TTLL6: variants seen among roughly 807,000 people sequenced by gnomAD.
The protein encoded by TTLL6 is tubulin polyglutamylase TTLL6.
Under a neutral mutation model 96.4 loss-of-function variants are expected in TTLL6, and 75 were observed. That is an observed-to-expected ratio of 0.78 (90% confidence interval 0.65 to 0.94). TTLL6 has a LOEUF of 0.94. Ranked by LOEUF, TTLL6 falls within the 40% of genes least tolerant of loss-of-function variation. The pLI is 0.00. For synonymous variants in TTLL6, 411 were observed against 419.4 expected (o/e 0.98, Z 0.24); for missense variants, 1,030 against 1,093.0 (o/e 0.94, Z 0.81).
At chr17:48,804,617 G>C (rs1435261566) in intron 2 of TTLL6, 155 bp downstream of exon 2, 1 of 685,424 alleles carries the variant, frequency 1.5e-6, no homozygotes, top group Non-Finnish European at 2.6e-6. Flanking sequence ...ATCGAAAGTA[G>C]ATTCTTTTTA....
In TTLL6 at chr17:48,789,999, CT is replaced by C; in HGVS notation, c.1331del (p.Lys444ArgfsTer23). 1 of 1,614,186 alleles carries C rather than the reference CT, an allele frequency of 6.2e-7. No individual in the cohort carries two copies. The highest frequency in any genetic ancestry group is 8.5e-7 in the Non-Finnish European group (1 of 1,180,034). ...GTCTCTCCTCCTCCAAGACTTTCTT[CT>C]TGTCACAGCTTTCCAGGTTGATCAG... ...LVLINLESCDKKKVLEEERQR... is the reference protein window; with the variant it reads ...LVLINLESCDXKKVLEEERQR... On this transcript the variant is annotated frameshift_variant, in exon 10 of 16. Transcript: ENST00000393382. LOFTEE classifies it high-confidence loss of function.
intron 8 of TTLL6, 112 bp downstream of exon 8, chr17:48,795,949 A>G (rs1294949022): frequency 2.1e-5 from 17 of 823,564 alleles, no homozygotes; most frequent in Non-Finnish European, 3.1e-5. Context: ...TTCTCAGACC[A>G]TGTGACCCAA....
chr17:48,763,311 G>A (rs1345786559), intron 15 of TTLL6, among the ~76,000 whole-genome samples: 1 of 152,132 alleles, frequency 6.6e-6, no homozygotes, highest in African/African-American at 2.4e-5. Context: ...AATGCCCCGA[G>A]GACTGAGACA....
At chr17:48,787,720 G>A (rs1180689197) in intron 11 of TTLL6, 91 bp downstream of exon 11, 1 of 1,309,614 alleles carries the variant, frequency 7.6e-7, no homozygotes, top group Non-Finnish European at 1.1e-6. Context: ...CATGGCTGGG[G>A]ACTCTCCCTG....
At chr17:48,804,422 A>G (rs758578359) in intron 2 of TTLL6, 21 of 497,732 alleles carry the variant, frequency 4.2e-5, no homozygotes, top group African/African-American at 3.9e-4. Context: ...CTGATAAGTC[A>G]GTATGGTGCT....
intron 10 of TTLL6, 144 bp downstream of exon 10, chr17:48,789,787 C>T: frequency 1.3e-6 from 1 of 774,144 alleles, no homozygotes; most frequent in South Asian, 2.6e-5. Flanking sequence ...GAACTCCTGA[C>T]CTCAGGTGAT....
chr17:48,801,130 G>A (rs987817907), intron 5 of TTLL6, 125 bp downstream of exon 5: 10 of 853,184 alleles, frequency 1.2e-5, no homozygotes, highest in Non-Finnish European at 1.8e-5. Flanking sequence ...TTCTCTTCCT[G>A]AAAAGTAGCC....
At chr17:48,783,947 G>A (rs2039037706) in intron 13 of TTLL6, among the ~76,000 whole-genome samples, 1 of 152,172 alleles carries the variant, frequency 6.6e-6, no homozygotes, top group South Asian at 2.1e-4. Flanking sequence ...AGGCTGTGCT[G>A]AGTTCAAAGG....
At chr17:48,767,715 T>C (rs2038643299) in intron 15 of TTLL6, among the ~76,000 whole-genome samples, 2 of 152,190 alleles carry the variant, frequency 1.3e-5, no homozygotes, top group Admixed American at 6.5e-5. Flanking sequence ...TGTGGAGTTC[T>C]CCGAAGTTTT....
chr17:48,809,927 C>T (rs1210509144), intron 1 of TTLL6, among the ~76,000 whole-genome samples: 6 of 151,784 alleles, frequency 4.0e-5, no homozygotes, highest in African/African-American at 1.2e-4. Context: ...CAACTGAGGT[C>T]GGGAGTTCGA....
Position 48,801,100 on chromosome 17 carries a change from T to C in TTLL6, c.611+155A>G, listed in dbSNP as rs545629853. 7.2e-5 allele frequency among the ~76,000 whole-genome samples: 11 copies of C among 152,304 alleles called. No homozygotes were observed. In the East Asian group the frequency reaches 2.1e-3, roughly 29 times the overall value. ...GGCAGAGCCTTGTGTTTTCTCAACC[T>C]TGGACACACCCTTTATCCCTTCTCT... is the stretch of plus-strand genomic sequence containing the variant. On this transcript the variant is annotated intron_variant, in intron 5 of 15. Transcript: ENST00000393382.
intron 3 of TTLL6, among the ~76,000 whole-genome samples, chr17:48,803,686 C>T (rs1376856899): frequency 6.6e-6 from 1 of 152,194 alleles, no homozygotes; most frequent in Admixed American, 6.5e-5. Context: ...AGTTGAAGTA[C>T]ACACCATTGT....
chr17:48,791,779 ATCCCAGGACCACACCCTCCAAG>A (rs2039230424), intron 8 of TTLL6, among the ~76,000 whole-genome samples, 176 bp from the exon 9 acceptor site: 1 of 152,146 alleles, frequency 6.6e-6, no homozygotes, highest in East Asian at 1.9e-4. Flanking sequence ...GGTCCCAGGA[ATCCCAGGACCACACCCTCCAAG>A]TCTCCAGAGC....
Position 48,791,390 on chromosome 17 carries a change from G to T in TTLL6, c.1212C>A (p.Pro404=), listed in dbSNP as rs1468221709. ...CAAACTTCCCTACCTCCAGCAGCCAGGGTTTGAGTTTGTGGTCCAACAAAA... is the reference window on the plus strand; with the variant it reads ...CAAACTTCCCTACCTCCAGCAGCCATGGTTTGAGTTTGTGGTCCAACAAAA... ...FDILLDHKLK[P]WLLEVNHSPS... The change falls in exon 9 of 16, where the codon CCC becomes CCA. Residue 404 remains proline (P), a synonymous_variant. Coordinates refer to ENST00000393382, the MANE Select transcript of TTLL6 (RefSeq NM_001130918.3). The T allele has an allele frequency of 1.2e-6, 2 of 1,614,128 alleles. No individual in the cohort carries two copies. The highest frequency in any genetic ancestry group is 1.7e-6 in the Non-Finnish European group (2 of 1,180,006).
At chr17:48,765,497 T>C (rs1597952352) in intron 15 of TTLL6, 1 of 152,198 alleles carries the variant, frequency 6.6e-6, no homozygotes, top group East Asian at 1.9e-4. Context: ...GCCTTTATAG[T>C]CGGCTAGCAA....
chr17:48,799,878 GAC>G, intron 5 of TTLL6, 118 bp from the exon 6 acceptor site: 1 of 889,354 alleles, frequency 1.1e-6, no homozygotes, highest in Non-Finnish European at 1.7e-6. Flanking sequence ...CCCTGGCACT[GAC>G]AGATGCCCAG....
chr17:48,791,763 AGATGAGGTCCCAG>A (rs911074033), intron 8 of TTLL6, among the ~76,000 whole-genome samples, 160 bp from the exon 9 acceptor site: 15 of 152,170 alleles, frequency 9.9e-5, no homozygotes, highest in African/African-American at 3.6e-4. Context: ...TGTCGGTGCC[AGATGAGGTCCCAG>A]GAATCCCAGG....
At chr17:48,808,725 C>G (rs569075653) in intron 1 of TTLL6, among the ~76,000 whole-genome samples, 9 of 152,130 alleles carry the variant, frequency 5.9e-5, no homozygotes, top group South Asian at 2.1e-4. Context: ...CCTGCCACCA[C>G]GTCAGGCTAA....
chr17:48,786,281 C>T lies in TTLL6; in HGVS notation c.1644G>A (p.Lys548=), dbSNP rs764653605. 1 of 1,614,122 alleles carries T rather than the reference C, an allele frequency of 6.2e-7. No homozygotes were observed. The highest frequency in any genetic ancestry group is 8.5e-7 in the Non-Finnish European group (1 of 1,180,056). ...LKREKKPFQM[K]KKVEMQGESA... ...ATTCCCCCTGCATCTCTACCTTCTT[C>T]TTCATTTGGAAGGGCTTTTTCTCCC... The change falls in exon 12 of 16, where the codon AAG becomes AAA. Residue 548 remains lysine, a synonymous_variant. Coordinates refer to ENST00000393382, the MANE Select transcript of TTLL6 (RefSeq NM_001130918.3).
Sources: gnomAD v4.1 joint callset for allele counts (sites outside exome capture counted in the v4.1 genomes callset) on GRCh38, gnomAD v4.1.1 for gene constraint, MANE v1.5 for transcripts, NCBI Gene and HGNC (gene_info 2026-07-23, HGNC 2026-07-21) for gene names.